Variants in RBFOX3 observed in about 807,000 individuals in gnomAD.
RBFOX3 encodes the protein RNA binding fox-1 homolog 3, also known as RNA binding protein fox-1 homolog 3.
In RBFOX3, 17 loss-of-function variants were observed where a neutral mutation model predicts 48.7. The observed-to-expected ratio is 0.35, with a 90% CI of 0.24 to 0.52. The LOEUF is 0.52. Among genes scored for constraint, RBFOX3 ranks in the 20% least tolerant of loss-of-function variants. The pLI is 0.94. For synonymous variants in RBFOX3, 212 were observed against 209.5 expected (o/e 1.01, Z -0.10); for missense variants, 382 against 497.5 (o/e 0.77, Z 2.21).
At chr17:79,501,908 T>A (rs1221461921) in intron 1 of RBFOX3, among the ~76,000 whole-genome samples, 1 of 152,218 alleles carries the variant, frequency 6.6e-6, no homozygotes, top group African/African-American at 2.4e-5. Flanking sequence ...GAATTGATTT[T>A]GTTCTCTAAA....
chr17:79,483,466 G>GCCTCCCTC (rs1598889535), intron 1 of RBFOX3, among the ~76,000 whole-genome samples: 2 of 101,658 alleles, frequency 2.0e-5, no homozygotes, highest in African/African-American at 4.0e-5. Flanking sequence ...CTCCCTGCCT[G>GCCTCCCTC]CCTGCCTACC....
At chr17:79,424,575 G>A (rs370508590) in intron 2 of RBFOX3, among the ~76,000 whole-genome samples, 1 of 152,140 alleles carries the variant, frequency 6.6e-6, no homozygotes, top group Non-Finnish European at 1.5e-5. Flanking sequence ...CCAGGGTGGT[G>A]CCCACTGAGT....
chr17:79,122,431 T>A (rs535595271), intron 4 of RBFOX3, among the ~76,000 whole-genome samples: 2 of 152,086 alleles, frequency 1.3e-5, no homozygotes, highest in South Asian at 2.1e-4. Context: ...CCTAAGGAAT[T>A]TGGCACACAG....
Position 79,115,635 on chromosome 17 carries a change from C to A in RBFOX3, c.81G>T (p.Pro27=). The change falls in exon 5 of 15, where the codon CCG becomes CCT. Residue 27 remains proline (P), a synonymous_variant. Coordinates refer to ENST00000693108, the MANE Select transcript of RBFOX3 (RefSeq NM_001350451.2). Reference sequence around the variant, plus strand: ...GGCCGGAGTAGTCCTGCGTGGGGTGCGGTGGGGGCGGGGCGTACTCGGCAG... The same window carrying A: ...GGCCGGAGTAGTCCTGCGTGGGGTGAGGTGGGGGCGGGGCGTACTCGGCAG... ...GIPAEYAPPP[P]HPTQDYSGQT... 1 of 1,001,468 alleles carries A rather than the reference C, an allele frequency of 1.0e-6. No individual in the cohort carries two copies. Among genetic ancestry groups the A allele is most frequent in the South Asian group, 2.1e-5 (1 of 46,920 alleles). 62.0% of individuals were successfully genotyped at this position (1,001,468 alleles called of 1,614,324 possible). A position where few individuals can be genotyped will look rare whatever the true frequency, so the allele number is the denominator to read the frequency against.
intron 4 of RBFOX3, among the ~76,000 whole-genome samples, chr17:79,133,100 C>T (rs559202304): frequency 1.3e-5 from 2 of 152,170 alleles, no homozygotes; most frequent in Admixed American, 6.5e-5. Context: ...TCCAAGGAGA[C>T]CTTCTGCCTC....
intron 2 of RBFOX3, among the ~76,000 whole-genome samples, chr17:79,358,839 G>T (rs1413567684): frequency 6.6e-6 from 1 of 152,164 alleles, no homozygotes; most frequent in Non-Finnish European, 1.5e-5. Context: ...TCGCCATCAG[G>T]ATCCCTGGGT....
chr17:79,292,351 GCCTT>G (rs1567987657), intron 3 of RBFOX3, among the ~76,000 whole-genome samples: 1 of 151,976 alleles, frequency 6.6e-6, no homozygotes, highest in African/African-American at 2.4e-5. Flanking sequence ...ATTCTATTGT[GCCTT>G]CCTTGTCTCC....
At position 79,421,734 on chromosome 17, in the gene RBFOX3, GC is replaced by G. The variant is rs1265264547; in HGVS notation, c.-175+60719del. On this transcript the variant is annotated intron_variant, in intron 2 of 14. Coordinates refer to ENST00000693108, the MANE Select transcript of RBFOX3 (RefSeq NM_001350451.2). This position sits in a 1 kb window ranked among gnomAD's most constrained non-coding sequence, Gnocchi z 4.5. Reference sequence around the variant, plus strand: ...GACGCAGGCCCCTGGCAAGCCTGAGGCCGGGGCAGCAGCCATGCTCTCTCCT... The same window carrying G: ...GACGCAGGCCCCTGGCAAGCCTGAGGCGGGGCAGCAGCCATGCTCTCTCCT... 2.0e-5 allele frequency among the ~76,000 whole-genome samples: 3 copies of G among 152,194 alleles called. No individual in the cohort carries two copies. The highest frequency in any genetic ancestry group is 4.4e-5 in the Non-Finnish European group (3 of 68,022).
intron 2 of RBFOX3, among the ~76,000 whole-genome samples, chr17:79,409,305 A>C (rs1470452640): frequency 6.6e-6 from 1 of 152,178 alleles, no homozygotes; most frequent in Non-Finnish European, 1.5e-5. Context: ...TGCTCCTACA[A>C]ACGTGTGCAC....
chr17:79,639,370 G>T, the RBFOX3 span, among the ~76,000 whole-genome samples: 746 of 152,152 alleles, frequency 4.9e-3, 3 homozygotes, highest in Non-Finnish European at 7.8e-3. Context: ...TAGAGATGGG[G>T]TTTCACTGTG....
At chr17:79,395,112 C>T (rs1036572422) in intron 2 of RBFOX3, among the ~76,000 whole-genome samples, 12 of 152,250 alleles carry the variant, frequency 7.9e-5, no homozygotes, top group African/African-American at 1.2e-4. Flanking sequence ...CTGGGCCTCC[C>T]GTCAACCTTC....
intron 1 of RBFOX3, among the ~76,000 whole-genome samples, chr17:79,591,019 G>A (rs2093400463): frequency 6.6e-6 from 1 of 152,230 alleles, no homozygotes; most frequent in Non-Finnish European, 1.5e-5. Context: ...AGCCCTCGGA[G>A]GGACGAGAAG....
At chr17:79,641,282 T>C in the RBFOX3 span, among the ~76,000 whole-genome samples, 2 of 152,096 alleles carry the variant, frequency 1.3e-5, no homozygotes, top group Non-Finnish European at 2.9e-5. Context: ...ATGGCTATTA[T>C]CAAAAAGACA....
At chr17:79,503,618 G>T (rs1386266721) in intron 1 of RBFOX3, among the ~76,000 whole-genome samples, 1 of 152,180 alleles carries the variant, frequency 6.6e-6, no homozygotes, top group African/African-American at 2.4e-5. Context: ...CTCCACGGCT[G>T]CGTGTGGCTC....
chr17:79,232,816 T>A (rs2889619), intron 4 of RBFOX3, among the ~76,000 whole-genome samples: 28,423 of 152,232 alleles, frequency 0.19, 2,909 homozygotes, highest in East Asian at 0.37. Context: ...CCCAGTGAGC[T>A]ACCGCTACAT....
At chr17:79,219,980 C>G (rs1001628976) in intron 4 of RBFOX3, among the ~76,000 whole-genome samples, 3 of 151,438 alleles carry the variant, frequency 2.0e-5, no homozygotes, top group African/African-American at 7.3e-5. Context: ...CCACCTAGAA[C>G]AGTCTGGCCG....
At chr17:79,136,927 G>A (rs1487869384) in intron 4 of RBFOX3, among the ~76,000 whole-genome samples, 1 of 152,112 alleles carries the variant, frequency 6.6e-6, no homozygotes, top group East Asian at 1.9e-4. Flanking sequence ...CTCGCTCTAA[G>A]AAGGAGGCTC....
chr17:79,148,328 C>T (rs1394812198), intron 4 of RBFOX3, among the ~76,000 whole-genome samples: 1 of 152,254 alleles, frequency 6.6e-6, no homozygotes, highest in Non-Finnish European at 1.5e-5. Context: ...AAACTCTTTC[C>T]TGGCTTGGGG....
chr17:79,519,695 C>A (rs1294289883), intron 1 of RBFOX3, among the ~76,000 whole-genome samples: 9 of 152,216 alleles, frequency 5.9e-5, no homozygotes, highest in Admixed American at 2.0e-4. Context: ...TTACCTCGGG[C>A]CCCACCATGT....
Sources: gnomAD v4.1 joint callset for allele counts (sites outside exome capture counted in the v4.1 genomes callset) on GRCh38, gnomAD v4.1.1 for gene constraint, Gnocchi (gnomAD v3.1) non-coding constraint, MANE v1.5 for transcripts, NCBI Gene and HGNC (gene_info 2026-07-23, HGNC 2026-07-21) for gene names.